Variants in DPH1 observed in about 807,000 individuals in gnomAD.
The protein encoded by DPH1 is 2-(3-amino-3-carboxypropyl)histidine synthase subunit 1.
DPH1 carries 59 observed loss-of-function variants against 55.3 expected under a neutral mutation model. The ratio of observed to expected loss-of-function variants is 1.07; its 90% confidence interval spans 0.87 to 1.33. The LOEUF (loss-of-function observed/expected upper bound fraction) is 1.33, where lower values mean the gene tolerates loss of function less well. Among genes scored for constraint, DPH1 ranks in the 40% most tolerant of loss-of-function variants. The pLI is 0.00. For missense variants in DPH1, 628 were observed against 584.8 expected, an observed-to-expected ratio of 1.07 and a Z score of -0.76; for synonymous variants, 238 against 235.5, an observed-to-expected ratio of 1.01 and a Z score of -0.10.
chr17:2,037,286 C>T (rs1286752173), intron 6 of DPH1: 1 of 202,656 alleles, frequency 4.9e-6, no homozygotes, highest in African/African-American at 2.3e-5. Context: ...AATTTACCAT[C>T]CGGACAGCTA....
intron 6 of DPH1, among the ~76,000 whole-genome samples, chr17:2,038,593 G>A (rs189611899): frequency 6.6e-6 from 1 of 152,154 alleles, no homozygotes; most frequent in Non-Finnish European, 1.5e-5. Context: ...ATCGTGACCT[G>A]TACATGCGAG....
chr17:2,039,599 G>A lies in DPH1; in HGVS notation c.681-156G>A, dbSNP rs894672598. The A allele has an allele frequency of 2.3e-5, 18 of 778,316 alleles. No individual in the cohort carries two copies. The East Asian group carries it at 3.1e-4, about 14-fold the overall frequency. 48.2% of individuals were successfully genotyped at this position (778,316 alleles called of 1,614,324 possible). Reference sequence around the variant, plus strand: ...TCACTGTGTTAGCCAGGATGGTCTCGATCTCCTGACCTCATGATCCGCCCG... The same window carrying A: ...TCACTGTGTTAGCCAGGATGGTCTCAATCTCCTGACCTCATGATCCGCCCG... On this transcript the variant is annotated intron_variant, in intron 6 of 12. Transcript: ENST00000263083.
chr17:2,042,148 G>A (rs376438806), intron 12 of DPH1: 2 of 1,524,290 alleles, frequency 1.3e-6, no homozygotes, highest in Non-Finnish European at 8.7e-7. Context: ...AAGGCGCTGC[G>A]GGGTCGCGCC....
chr17:2,042,602 T>C lies in DPH1; in HGVS notation c.*19-3T>C. The C allele has an allele frequency of 1.3e-6, 2 of 1,514,844 alleles. No individual in the cohort carries two copies. Among genetic ancestry groups the C allele is most frequent in the Non-Finnish European group, 1.8e-6 (2 of 1,133,790 alleles). The allele number at this position is 1,514,844 out of a possible 1,614,324, so 93.8% of individuals were successfully genotyped here. A position where few individuals can be genotyped will look rare whatever the true frequency, so the allele number is the denominator to read the frequency against. ...CCCATCCTTTTTCCTCATATCGCTG[T>C]AGGGTCCTGCCCTCCGGAGGAGCAG... On this transcript the variant is annotated splice_polypyrimidine_tract_variant and splice_region_variant and intron_variant, in intron 12 of 12. Coordinates refer to ENST00000263083, the MANE Select transcript of DPH1 (RefSeq NM_001383.6).
rs779721627 is a variant in DPH1, at chr17:2,041,632, G to C, written c.1227+11G>C. 6 of 1,599,590 alleles carry C rather than the reference G, an allele frequency of 3.8e-6. No homozygotes were observed. In the Admixed American group the frequency reaches 1.1e-4, roughly 28 times the overall value. On this transcript the variant is annotated intron_variant, in intron 11 of 12. Coordinates refer to ENST00000263083, the MANE Select transcript of DPH1 (RefSeq NM_001383.6). Reference sequence around the variant, plus strand: ...CCCGCGCGGGGGAAGGTAGGCGGGGGCTTCCAGGAGGGAGGAGAGACCGCG... The same window carrying C: ...CCCGCGCGGGGGAAGGTAGGCGGGGCCTTCCAGGAGGGAGGAGAGACCGCG...
At chr17:2,041,939 C>G (rs1413268461) in intron 12 of DPH1, 64 bp downstream of exon 12, 7 of 1,527,030 alleles carry the variant, frequency 4.6e-6, no homozygotes, top group African/African-American at 4.2e-5. Flanking sequence ...CCTTGGCGCT[C>G]CGAGGCCCGC....
rs1655849984 is a variant in DPH1, at chr17:2,036,341, G to A, written c.401-188G>A. The A allele has an allele frequency of 1.4e-5, 15 of 1,046,860 alleles. No homozygotes were observed. Among genetic ancestry groups the A allele is most frequent in the Non-Finnish European group, 1.8e-5 (13 of 738,916 alleles). The allele number at this position is 1,046,860 out of a possible 1,614,324, so 64.8% of individuals were successfully genotyped here. On this transcript the variant is annotated intron_variant, in intron 4 of 12. Transcript: ENST00000263083. The surrounding 1 kb of genome is among the most constrained non-coding windows in gnomAD (Gnocchi z 4.8). ...TTGGTTGTAGAGCAGGCTGGGCCCC[G>A]GCCGGGTGACAGAGAAGTCTGATTG...
rs759808049 is a variant in DPH1, at chr17:2,041,432, G to A, written c.1087-49G>A. On this transcript the variant is annotated intron_variant, in intron 10 of 12. Transcript: ENST00000263083. ...TGAGGACTGAATTCAGTAATCCAGG[G>A]GCAGAAAAACACTGGCAGATGTTAT... 7 of 1,566,414 alleles carry A rather than the reference G, an allele frequency of 4.5e-6. No homozygotes were observed. In the African/African-American group the frequency reaches 9.5e-5, roughly 21 times the overall value.
chr17:2,039,744 C>A lies in DPH1; in HGVS notation c.681-11C>A. On this transcript the variant is annotated splice_polypyrimidine_tract_variant and intron_variant, in intron 6 of 12. Transcript: ENST00000263083. The stretch of plus-strand genomic sequence containing the variant: ...CCTAAACCACACTTAGCCTCCTTTC[C>A]ACCCCTGCAGGTATCTTGGAGATGG... 1.2e-6 allele frequency: 2 copies of A among 1,614,112 alleles called. No homozygotes were observed. Among genetic ancestry groups the A allele is most frequent in the Non-Finnish European group, 8.5e-7 (1 of 1,180,004 alleles).
At chr17:2,030,363 C>T in intron 1 of DPH1, 133 bp downstream of exon 1, 1 of 1,110,066 alleles carries the variant, frequency 9.0e-7, no homozygotes, top group Non-Finnish European at 1.3e-6. Flanking sequence ...CGCCTTGGGC[C>T]GCTGTCACCA....
Position 2,040,330 on chromosome 17 carries a change from ATT to A in DPH1, c.863_864del (p.Ile288ThrfsTer11). ...TARSAKSWGLILGTLGRQGSP... is the reference protein window; with the variant it reads ...TARSAKSWGLXLGTLGRQGSP... ...CCGCTCAGCTAAGTCCTGGGGCCTTATTCTGGGCACTTTGGGCCGCCAGGGCA... is the reference window on the plus strand; with the variant it reads ...CCGCTCAGCTAAGTCCTGGGGCCTTACTGGGCACTTTGGGCCGCCAGGGCA... On this transcript the variant is annotated frameshift_variant, in exon 8 of 13. Coordinates refer to ENST00000263083, the MANE Select transcript of DPH1 (RefSeq NM_001383.6). LOFTEE classifies it high-confidence loss of function. The A allele has an allele frequency of 6.2e-7, 1 of 1,614,046 alleles. No homozygotes were observed. Among genetic ancestry groups the A allele is most frequent in the Non-Finnish European group, 8.5e-7 (1 of 1,180,028 alleles).
chr17:2,041,015 T>C, intron 9 of DPH1, 88 bp from the exon 10 acceptor site: 2 of 1,248,922 alleles, frequency 1.6e-6, no homozygotes, highest in Non-Finnish European at 2.3e-6. Context: ...AATGAATGGG[T>C]GTGCTGGGGG....
In DPH1 at chr17:2,036,689, G is replaced by A. The variant is rs1270118892; in HGVS notation, c.558+3G>A. The A allele has an allele frequency of 3.7e-6, 6 of 1,613,894 alleles. No homozygotes were observed. In the Admixed American group the frequency reaches 1.0e-4, roughly 27 times the overall value. Reference sequence around the variant, plus strand: ...TTCAGTTTGTGTCGACCTTGCAGGTGGGTGGAACGAGGATCCTCGGCCTCC... The same window carrying A: ...TTCAGTTTGTGTCGACCTTGCAGGTAGGTGGAACGAGGATCCTCGGCCTCC... On this transcript the variant is annotated splice_donor_region_variant and intron_variant, in intron 5 of 12. Transcript: ENST00000263083. This position sits in a 1 kb window ranked among gnomAD's most constrained non-coding sequence, Gnocchi z 4.8.
In DPH1 at chr17:2,041,118, A is replaced by T; in HGVS notation, c.1023A>T (p.Ala341=). 1 of 1,603,470 alleles carries T rather than the reference A, an allele frequency of 6.2e-7. No homozygotes were observed. ...LPEVDVWVQV[A]CPRLSIDWGT... Reference sequence around the variant, plus strand: ...CCCTTCCCAGGTGGGTGCAGGTGGCATGTCCACGTCTCTCCATTGACTGGG... The same window carrying T: ...CCCTTCCCAGGTGGGTGCAGGTGGCTTGTCCACGTCTCTCCATTGACTGGG... Residue 341 remains alanine (A), a synonymous_variant, in exon 10 of 13, where the codon GCA becomes GCT. Transcript: ENST00000263083.
chr17:2,031,516 T>G (rs1359957283), intron 1 of DPH1, among the ~76,000 whole-genome samples: 1 of 139,344 alleles, frequency 7.2e-6, no homozygotes, highest in Non-Finnish European at 1.5e-5. Context: ...GAGCCGAGAT[T>G]GCACCACTGC....
rs1188984295 is a variant in DPH1 at position 2,032,490 on chromosome 17, G to T, written c.62-1015G>T. ...TCTACCTTCAGGATGAATTCAGTGA[G>T]AACGAAAGCTGGGCCAACCCCCTTG... is the stretch of plus-strand genomic sequence containing the variant. On this transcript the variant is annotated intron_variant, in intron 1 of 12. Transcript: ENST00000263083. Among the ~76,000 whole-genome samples the T allele has an allele frequency of 3.3e-5, 5 of 152,194 alleles. No individual in the cohort carries two copies. The South Asian group carries it at 1.0e-3, about 31-fold the overall frequency.
intron 12 of DPH1, chr17:2,042,143 G>A (rs777724996): frequency 2.0e-6 from 3 of 1,532,858 alleles, no homozygotes; most frequent in Non-Finnish European, 2.6e-6. Context: ...TGAGGAAGGC[G>A]CTGCGGGGTC....
chr17:2,036,396 C>G lies in DPH1; in HGVS notation c.401-133C>G, dbSNP rs989709163. 8.9e-6 allele frequency: 11 copies of G among 1,234,552 alleles called. No homozygotes were observed. The highest frequency in any genetic ancestry group is 1.2e-5 in the Non-Finnish European group (11 of 882,160). The allele number at this position is 1,234,552 out of a possible 1,614,324, so 76.5% of individuals were successfully genotyped here. On this transcript the variant is annotated intron_variant, in intron 4 of 12. Transcript: ENST00000263083. The surrounding 1 kb of genome is among the most constrained non-coding windows in gnomAD (Gnocchi z 4.8). ...GGAGCTTCTAGGGGATCTGTGACCC[C>G]CCTCTTCTCCTACCCTGTCCTTTTA...
rs759346839 is a variant in DPH1, at chr17:2,042,924, A to G, written c.*338A>G. 2.5e-6 allele frequency: 4 copies of G among 1,614,072 alleles called. No individual in the cohort carries two copies. Among genetic ancestry groups the G allele is most frequent in the Middle Eastern group, 1.6e-4 (1 of 6,062 alleles). On this transcript the variant is annotated 3_prime_UTR_variant, in exon 13 of 13. Coordinates refer to ENST00000263083, the MANE Select transcript of DPH1 (RefSeq NM_001383.6). The stretch of plus-strand genomic sequence containing the variant: ...AATCCATCCTGCAAAGGCCCTTGTC[A>G]TTGCCTTCGCTCCATGTTTTTGGGG...
Sources: gnomAD v4.1 joint callset for allele counts (sites outside exome capture counted in the v4.1 genomes callset) on GRCh38, gnomAD v4.1.1 for gene constraint, Gnocchi (gnomAD v3.1) non-coding constraint, MANE v1.5 for transcripts, NCBI Gene and HGNC (gene_info 2026-07-23, HGNC 2026-07-21) for gene names.